Variants in OR5T2 observed in about 807,000 individuals in gnomAD.
OR5T2 encodes the protein olfactory receptor family 5 subfamily T member 2.
OR5T2 carries 12 observed loss-of-function variants against 13.7 expected under a neutral mutation model. The observed-to-expected ratio is 0.88, with a 90% CI of 0.56 to 1.42. The LOEUF (loss-of-function observed/expected upper bound fraction) is 1.42, where lower values mean the gene tolerates loss of function less well. Among genes scored for constraint, OR5T2 ranks in the 40% most tolerant of loss-of-function variants. The pLI, the probability that OR5T2 is intolerant of heterozygous loss-of-function variation, is 0.00. For synonymous variants in OR5T2, 146 were observed against 139.5 expected (o/e 1.05, Z -0.33); for missense variants, 475 against 372.0 (o/e 1.28, Z -2.28).
rs1305066082 is a variant in OR5T2, at chr11:56,232,142, C to T, written c.921G>A (p.Gln307=). 1.3e-6 allele frequency: 2 copies of T among 1,574,120 alleles called. No homozygotes were observed. Among genetic ancestry groups the T allele is most frequent in the African/African-American group, 2.7e-5 (2 of 73,222 alleles). The change falls in exon 2 of 2, where the codon CAG becomes CAA. Residue 307 remains glutamine (Q), a synonymous_variant. Transcript: ENST00000641661. ...DSMKKMFGKN[Q]VINKVYFHTK... The stretch of plus-strand genomic sequence containing the variant: ...TATGAAAATATACTTTATTGATAAC[C>T]TGATTTTTCCCAAACATTTTTTTCA...
In OR5T2 at chr11:56,232,383, T is replaced by C. The variant is rs1331620016; in HGVS notation, c.680A>G (p.Tyr227Cys). The C allele has an allele frequency of 1.9e-6, 3 of 1,610,582 alleles. No individual in the cohort carries two copies. The highest frequency in any genetic ancestry group is 2.2e-5 in the East Asian group (1 of 44,858). ...GACTTTTCTCCTCCCTTCAGCAGAA[T>C]ACATCTTCAGAATGGCCAACAGAAT... ...GLILLAILKM[Y>C]SAEGRRKVFS... The change falls in exon 2 of 2, where the codon TAT (tyrosine) becomes TGT (cysteine). Residue 227 changes from tyrosine to cysteine, a missense_variant. By Grantham distance (194) the Tyr-to-Cys change is radical (BLOSUM62 -2). Transcript: ENST00000641661.
Position 56,232,215 on chromosome 11 carries a change from A to G in OR5T2, c.848T>C (p.Leu283Pro), listed in dbSNP as rs1186893827. Residue 283 changes from leucine to proline, a missense_variant, in exon 2 of 2, where the codon CTG (leucine) becomes CCG (proline). Leu to Pro is a moderately conservative substitution (Grantham distance 98, BLOSUM62 -3). Transcript: ENST00000641661. Reference sequence around the variant, plus strand: ...CCTCAAACTGTAGATGACGGGATTCAGCAAGGGAATCACAATGGTGTAAAA... The same window carrying G: ...CCTCAAACTGTAGATGACGGGATTCGGCAAGGGAATCACAATGGTGTAAAA... The part of the protein sequence containing the change: ...SIFYTIVIPL[L>P]NPVIYSLRNK... The G allele has an allele frequency of 1.2e-6, 2 of 1,613,192 alleles. No individual in the cohort carries two copies.
At chr11:56,233,344 TTAATTTACCAC>T in intron 1 of OR5T2, 80 bp from the exon 2 acceptor site, 1 of 510,384 alleles carries the variant, frequency 2.0e-6, no homozygotes, top group East Asian at 3.0e-5. Context: ...GGTCTACTGG[TTAATTTACCAC>T]TGAATTGTAT....
chr11:56,231,826 C>T lies in OR5T2; in HGVS notation c.*280G>A. The stretch of plus-strand genomic sequence containing the variant: ...AGCTTCAAGGCATCAGCATTCCCTC[C>T]CCGAAGGTATAGGGTGGGACTCTCT... On this transcript the variant is annotated 3_prime_UTR_variant, in exon 2 of 2. Transcript: ENST00000641661. The T allele has an allele frequency of 8.1e-6, 2 of 246,238 alleles. No individual in the cohort carries two copies. The highest frequency in any genetic ancestry group is 1.5e-5 in the Non-Finnish European group (2 of 131,110). 15.3% of individuals were successfully genotyped at this position (246,238 alleles called of 1,614,324 possible).
rs1212757765 is a variant in OR5T2 at position 56,232,332 on chromosome 11, G to A, written c.731C>T (p.Thr244Ile). ...TGTCCCATAATAAATTGACACTCCA[G>A]TTAGGTGAGCTCCACATGTGGAGAA... ...KVFSTCGAHL[T>I]GVSIYYGTIL... Residue 244 changes from threonine to isoleucine, a missense_variant, in exon 2 of 2, where the codon ACT becomes ATT. Physicochemically the swap from Thr to Ile is moderately conservative, Grantham distance 89. Coordinates refer to ENST00000641661, the MANE Select transcript of OR5T2 (RefSeq NM_001004746.4). The A allele has an allele frequency of 3.1e-6, 5 of 1,607,806 alleles. No individual in the cohort carries two copies. Among genetic ancestry groups the A allele is most frequent in the Non-Finnish European group, 4.2e-6 (5 of 1,176,958 alleles).
rs1853300473 is a variant in OR5T2 at position 56,232,481 on chromosome 11, C to T, written c.582G>A (p.Gln194=). The part of the protein sequence containing the change: ...AISYSDTHTN[Q]LLLFYFVGSI... The stretch of plus-strand genomic sequence containing the variant: ...AGCCCACAAAGTAGAAGAGTAGAAG[C>T]TGGTTTGTGTGAGTGTCAGAATAAG... Residue 194 remains glutamine (Q), a synonymous_variant, in exon 2 of 2, where the codon CAG becomes CAA. Coordinates refer to ENST00000641661, the MANE Select transcript of OR5T2 (RefSeq NM_001004746.4). 3 of 1,606,400 alleles carry T rather than the reference C, an allele frequency of 1.9e-6. No homozygotes were observed. Among genetic ancestry groups the T allele is most frequent in the South Asian group, 1.1e-5 (1 of 89,870 alleles).
chr11:56,232,908 T>C lies in OR5T2; in HGVS notation c.155A>G (p.Gln52Arg), dbSNP rs1052249265. 6.2e-7 allele frequency: 1 copy of C among 1,612,278 alleles called. No homozygotes were observed. The change falls in exon 2 of 2, where the codon CAG (glutamine) becomes CGG (arginine). Residue 52 changes from glutamine to arginine, a missense_variant. By Grantham distance (43) the Gln-to-Arg change is conservative (BLOSUM62 1). Coordinates refer to ENST00000641661, the MANE Select transcript of OR5T2 (RefSeq NM_001004746.4). ...AAAATAGTACATGGGTTTGTGGAGC[T>C]GGGAATCCCTAATGACCACTAAAAT... ...GLILVVIRDSQLHKPMYYFLS... is the reference protein window; with the variant it reads ...GLILVVIRDSRLHKPMYYFLS...
chr11:56,233,896 C>T (rs1853332730), intron 1 of OR5T2, among the ~76,000 whole-genome samples: 1 of 151,522 alleles, frequency 6.6e-6, no homozygotes, highest in Non-Finnish European at 1.5e-5. Context: ...ACAGGCATTT[C>T]TACTAGATGC....
In OR5T2 at chr11:56,232,399, C is replaced by T; in HGVS notation, c.664G>A (p.Ala222Thr). The T allele has an allele frequency of 1.2e-6, 2 of 1,610,638 alleles. No homozygotes were observed. Among genetic ancestry groups the T allele is most frequent in the Non-Finnish European group, 1.7e-6 (2 of 1,178,074 alleles). ...VLISYGLILL[A>T]ILKMYSAEGR... ...TCAGCAGAATACATCTTCAGAATGG[C>T]CAACAGAATCAAACCATAGGAGATC... Residue 222 changes from alanine (A) to threonine (T), a missense_variant, in exon 2 of 2, where the codon GCC becomes ACC. Coordinates refer to ENST00000641661, the MANE Select transcript of OR5T2 (RefSeq NM_001004746.4).
rs987896883 is a variant in OR5T2, at chr11:56,231,803, C to T, written c.*303G>A. The T allele has an allele frequency of 4.6e-6, 1 of 215,836 alleles. No individual in the cohort carries two copies. The highest frequency in any genetic ancestry group is 1.6e-4 in the South Asian group (1 of 6,064). The allele number at this position is 215,836 out of a possible 1,614,324, so 13.4% of individuals were successfully genotyped here. A position where few individuals can be genotyped will look rare whatever the true frequency, so the allele number is the denominator to read the frequency against. ...CCTATCCTCCTAGGTTCTATGGAAG[C>T]TTCAAGGCATCAGCATTCCCTCCCC... On this transcript the variant is annotated 3_prime_UTR_variant, in exon 2 of 2. Coordinates refer to ENST00000641661, the MANE Select transcript of OR5T2 (RefSeq NM_001004746.4).
At position 56,232,324 on chromosome 11, in the gene OR5T2, ACACTC is replaced by A. The variant is rs1853295836; in HGVS notation, c.734_738del (p.Gly245ValfsTer23). The A allele has an allele frequency of 6.2e-7, 1 of 1,608,376 alleles. No individual in the cohort carries two copies. The highest frequency in any genetic ancestry group is 1.3e-5 in the African/African-American group (1 of 74,764). ...AAGAGGATTGTCCCATAATAAATTGACACTCCAGTTAGGTGAGCTCCACATGTGGA... is the reference window on the plus strand; with the variant it reads ...AAGAGGATTGTCCCATAATAAATTGACAGTTAGGTGAGCTCCACATGTGGA... On this transcript the variant is annotated frameshift_variant, in exon 2 of 2. Coordinates refer to ENST00000641661, the MANE Select transcript of OR5T2 (RefSeq NM_001004746.4). LOFTEE classifies it high-confidence loss of function.
In OR5T2 at chr11:56,232,896, G is replaced by C. The variant is rs757047165; in HGVS notation, c.167C>G (p.Pro56Arg). ...VVIRDSQLHK[P>R]MYYFLSMLSS... ...CAACATACTCAGAAAATAGTACATGGGTTTGTGGAGCTGGGAATCCCTAAT... is the reference window on the plus strand; with the variant it reads ...CAACATACTCAGAAAATAGTACATGCGTTTGTGGAGCTGGGAATCCCTAAT... Residue 56 changes from proline to arginine, a missense_variant, in exon 2 of 2, where the codon CCC becomes CGC. Pro to Arg is a moderately radical substitution (Grantham distance 103). Transcript: ENST00000641661. 6.2e-7 allele frequency: 1 copy of C among 1,612,172 alleles called. No homozygotes were observed. Among genetic ancestry groups the C allele is most frequent in the South Asian group, 1.1e-5 (1 of 90,844 alleles).
Position 56,232,490 on chromosome 11 carries a change from G to A in OR5T2, c.573C>T (p.His191=), listed in dbSNP as rs769023858. The A allele has an allele frequency of 1.6e-5, 25 of 1,607,102 alleles. No individual in the cohort carries two copies. The highest frequency in any genetic ancestry group is 2.1e-5 in the Non-Finnish European group (25 of 1,176,438). ...PLLAISYSDT[H]TNQLLLFYFV... The stretch of plus-strand genomic sequence containing the variant: ...AGTAGAAGAGTAGAAGCTGGTTTGT[G>A]TGAGTGTCAGAATAAGAAATAGCAA... The change falls in exon 2 of 2, where the codon CAC becomes CAT. Residue 191 remains histidine, a synonymous_variant. Coordinates refer to ENST00000641661, the MANE Select transcript of OR5T2 (RefSeq NM_001004746.4).
Position 56,232,925 on chromosome 11 carries a change from C to T in OR5T2, c.138G>A (p.Val46=), listed in dbSNP as rs1035439252. Residue 46 remains valine, a synonymous_variant, in exon 2 of 2, where the codon GTG becomes GTA. Transcript: ENST00000641661. ...TLMGNLGLIL[V]VIRDSQLHKP... ...TGTGGAGCTGGGAATCCCTAATGAC[C>T]ACTAAAATCAGTCCTAAATTTCCCA... 6 of 1,611,816 alleles carry T rather than the reference C, an allele frequency of 3.7e-6. No individual in the cohort carries two copies. Among genetic ancestry groups the T allele is most frequent in the Non-Finnish European group, 4.2e-6 (5 of 1,178,954 alleles).
chr11:56,232,871 C>T lies in OR5T2; in HGVS notation c.192G>A (p.Leu64=), dbSNP rs995185681. 4 of 1,611,932 alleles carry T rather than the reference C, an allele frequency of 2.5e-6. No homozygotes were observed. In the East Asian group the frequency reaches 8.9e-5, roughly 36 times the overall value. ...HKPMYYFLSM[L]SSVDACYSSV... is the part of the protein sequence containing the mutation. ...AGGAATAGCAGGCATCCACAGAAGA[C>T]AACATACTCAGAAAATAGTACATGG... Residue 64 remains leucine (L), a synonymous_variant, in exon 2 of 2, where the codon TTG becomes TTA. Coordinates refer to ENST00000641661, the MANE Select transcript of OR5T2 (RefSeq NM_001004746.4).
rs7122514 is a variant in OR5T2 at position 56,232,812 on chromosome 11, G to T, written c.251C>A (p.Thr84Lys). The T allele has an allele frequency of 2.2e-5, 35 of 1,613,686 alleles. No individual in the cohort carries two copies. In the African/African-American group the frequency reaches 2.3e-4, roughly 10 times the overall value. Residue 84 changes from threonine to lysine, a missense_variant, in exon 2 of 2, where the codon ACG becomes AAG. Transcript: ENST00000641661. The stretch of plus-strand genomic sequence containing the variant: ...GAATGAAATGACTTTATTCTTTGTC[G>T]TAAAATCTACTAACATATTTGGGGT... ...VITPNMLVDF[T>K]TKNKVISFLG...
At position 56,232,421 on chromosome 11, in the gene OR5T2, G is replaced by A. The variant is rs7122000; in HGVS notation, c.642C>T (p.Ile214=). The A allele has an allele frequency of 0.072, 116,235 of 1,607,692 alleles. 4,854 individuals carry two copies. Among genetic ancestry groups the A allele is most frequent in the Non-Finnish European group, 0.081 (95,769 of 1,175,962 alleles). The part of the protein sequence containing the change: ...IELVTILIVL[I]SYGLILLAIL... ...TGGCCAACAGAATCAAACCATAGGAGATCAGAACAATCAGGATAGTGACCA... is the reference window on the plus strand; with the variant it reads ...TGGCCAACAGAATCAAACCATAGGAAATCAGAACAATCAGGATAGTGACCA... The change falls in exon 2 of 2, where the codon ATC becomes ATT. Residue 214 remains isoleucine, a synonymous_variant. Coordinates refer to ENST00000641661, the MANE Select transcript of OR5T2 (RefSeq NM_001004746.4).
chr11:56,233,981 A>G (rs754961245), intron 1 of OR5T2, among the ~76,000 whole-genome samples, 196 bp downstream of exon 1: 1 of 151,982 alleles, frequency 6.6e-6, no homozygotes, highest in Non-Finnish European at 1.5e-5. Flanking sequence ...TAAAGAGAAA[A>G]TCACTATGAT....
In OR5T2 at chr11:56,232,251, A is replaced by C; in HGVS notation, c.812T>G (p.Ile271Arg). The change falls in exon 2 of 2, where the codon ATA (isoleucine) becomes AGA (arginine). Residue 271 changes from isoleucine to arginine, a missense_variant. Ile to Arg is a moderately conservative substitution (Grantham distance 97, BLOSUM62 -3). Transcript: ENST00000641661. ...SSSYASDHDM[I>R]VSIFYTIVIP... ...CACAATGGTGTAAAATATTGACACT[A>C]TCATGTCATGGTCCGAAGCATAGCT... is the stretch of plus-strand genomic sequence containing the variant. 6.2e-7 allele frequency: 1 copy of C among 1,613,654 alleles called. No individual in the cohort carries two copies. The highest frequency in any genetic ancestry group is 2.2e-5 in the East Asian group (1 of 44,878).
Sources: gnomAD v4.1 joint callset for allele counts (sites outside exome capture counted in the v4.1 genomes callset) on GRCh38, gnomAD v4.1.1 for gene constraint, MANE v1.5 for transcripts, NCBI Gene and HGNC (gene_info 2026-07-23, HGNC 2026-07-21) for gene names.